The following KIF13B variants were observed in gnomAD, a reference collection of about 807,000 sequenced individuals.
KIF13B encodes kinesin-like protein KIF13B.
Under a neutral mutation model 222.0 loss-of-function variants are expected in KIF13B, and 127 were observed. The observed-to-expected ratio is 0.57, with a 90% CI of 0.50 to 0.66. KIF13B has a LOEUF of 0.66. Among genes scored for constraint, KIF13B ranks in the 30% least tolerant of loss-of-function variants. The pLI is 0.00. For missense variants in KIF13B, 2,173 were observed against 2,379.0 expected (o/e 0.91, Z 1.80); for synonymous variants, 976 against 919.0 (o/e 1.06, Z -1.12).
chr8:29,261,852 C>T (rs1328887258), intron 1 of KIF13B, among the ~76,000 whole-genome samples: 3 of 152,114 alleles, frequency 2.0e-5, no homozygotes, highest in Admixed American at 1.3e-4. Context: ...GACAAACCAA[C>T]AAAGCTTATG....
Position 29,228,472 on chromosome 8 carries a change from A to AAATATATATATATAT in KIF13B, c.149+16873_149+16874insATATATATATATATT. 2.3e-4 allele frequency among the ~76,000 whole-genome samples: 27 copies of AAATATATATATATAT among 117,084 alleles called. 1 individual carries two copies. The highest frequency in any genetic ancestry group is 5.7e-4 in the South Asian group (2 of 3,490). The allele number at this position is 117,084 out of a possible 152,430, so 76.8% of individuals were successfully genotyped here. On this transcript the variant is annotated intron_variant, in intron 2 of 39. Coordinates refer to ENST00000524189, the MANE Select transcript of KIF13B (RefSeq NM_015254.4). The stretch of plus-strand genomic sequence containing the variant: ...ACAGAGCCAGACTCCATCTTAAAAA[A>AAATATATATATATAT]ATATATATATATATATATGAGATAC...
intron 2 of KIF13B, among the ~76,000 whole-genome samples, chr8:29,230,003 G>A (rs1160987739): frequency 6.6e-6 from 1 of 152,122 alleles, no homozygotes; most frequent in Admixed American, 6.5e-5. Flanking sequence ...TAAGAGAGTT[G>A]ACAAGAATAA....
At chr8:29,164,618 GTAAAAGAA>G (rs1310889693) in intron 12 of KIF13B, among the ~76,000 whole-genome samples, 1 of 152,154 alleles carries the variant, frequency 6.6e-6, no homozygotes, top group Non-Finnish European at 1.5e-5. Context: ...GTGAGTAGAA[GTAAAAGAA>G]TAAAAGACTG....
chr8:29,200,577 A>C (rs1018122047), intron 2 of KIF13B, among the ~76,000 whole-genome samples: 3 of 152,198 alleles, frequency 2.0e-5, no homozygotes, highest in African/African-American at 7.2e-5. Flanking sequence ...AATATTTCTT[A>C]TATCACCACA....
chr8:29,236,470 A>T (rs528349511), intron 2 of KIF13B, among the ~76,000 whole-genome samples: 18 of 152,302 alleles, frequency 1.2e-4, no homozygotes, highest in African/African-American at 3.8e-4. Flanking sequence ...CTCCATAACA[A>T]AAGTTTTTAA....
intron 23 of KIF13B, among the ~76,000 whole-genome samples, chr8:29,131,079 A>C (rs1446172518): frequency 6.6e-6 from 1 of 152,182 alleles, no homozygotes; most frequent in Non-Finnish European, 1.5e-5. Flanking sequence ...ATAGAAAAGC[A>C]AAAACCCCAT....
At chr8:29,244,249 A>G (rs1026978878) in intron 2 of KIF13B, among the ~76,000 whole-genome samples, 22 of 152,172 alleles carry the variant, frequency 1.4e-4, no homozygotes, top group Non-Finnish European at 2.4e-4. Context: ...TCCTGACCTC[A>G]TGATCTGCCC....
Position 29,140,449 on chromosome 8 carries a change from G to A in KIF13B, c.2484+19C>T, listed in dbSNP as rs780243591. 1 of 1,609,000 alleles carries A rather than the reference G, an allele frequency of 6.2e-7. No homozygotes were observed. The highest frequency in any genetic ancestry group is 8.5e-7 in the Non-Finnish European group (1 of 1,176,580). On this transcript the variant is annotated intron_variant, in intron 20 of 39. Transcript: ENST00000524189. ...TAAACTATTCTCTACAGGAAACAAG[G>A]CATGAAGAGAAAACCAACCTCTCCT...
Position 29,118,912 on chromosome 8 carries a change from C to A in KIF13B, c.3616G>T (p.Glu1206Ter), listed in dbSNP as rs1809728358. 6.2e-7 allele frequency: 1 copy of A among 1,613,710 alleles called. No homozygotes were observed. Among genetic ancestry groups the A allele is most frequent in the Non-Finnish European group, 8.5e-7 (1 of 1,179,814 alleles). The change falls in exon 30 of 40, where the codon GAG (glutamate) becomes TAG (stop). Residue 1206 changes from glutamate to a stop codon, truncating the protein, a stop_gained. Transcript: ENST00000524189. LOFTEE classifies it high-confidence loss of function. ...ACAATCTGCAATTCAAAGAACTCCT[C>A]TTCTTCTTCCCCAGTCAAGGTCGCA... ...WDATLTGEEE[E>*]EFFELQIVKQ...
At chr8:29,095,689 C>A (rs1370348225) in intron 36 of KIF13B, among the ~76,000 whole-genome samples, 2 of 152,116 alleles carry the variant, frequency 1.3e-5, no homozygotes, top group African/African-American at 4.8e-5. Flanking sequence ...ATCACTTAAA[C>A]CCGGGAGGCA....
Position 29,070,870 on chromosome 8 carries a change from C to G in KIF13B, c.5219-104G>C. The G allele has an allele frequency of 1.6e-6, 2 of 1,217,826 alleles. No homozygotes were observed. Among genetic ancestry groups the G allele is most frequent in the Non-Finnish European group, 1.2e-6 (1 of 861,498 alleles). The allele number at this position is 1,217,826 out of a possible 1,614,324, so 75.4% of individuals were successfully genotyped here. A position where few individuals can be genotyped will look rare whatever the true frequency, so the allele number is the denominator to read the frequency against. On this transcript the variant is annotated intron_variant, in intron 39 of 39. Transcript: ENST00000524189. This position sits in a 1 kb window ranked among gnomAD's most constrained non-coding sequence, Gnocchi z 4.1. ...GCCATGTGCCCACACTGCCACCCCC[C>G]CGCACAGGCCCTACACAGCCAGCAC... is the stretch of plus-strand genomic sequence containing the variant.
chr8:29,112,316 C>T (rs1204716111), intron 32 of KIF13B, among the ~76,000 whole-genome samples: 1 of 151,672 alleles, frequency 6.6e-6, no homozygotes, highest in Non-Finnish European at 1.5e-5. Flanking sequence ...GCCTGTAATC[C>T]CAGCTACTAG....
chr8:29,130,449 T>G (rs1001104429), intron 24 of KIF13B, 84 bp downstream of exon 24: 22 of 1,373,948 alleles, frequency 1.6e-5, no homozygotes, highest in Non-Finnish European at 2.1e-5. Flanking sequence ...GATTTCATTA[T>G]TGCCAACATT....
chr8:29,155,522 C>T (rs1811481224), intron 14 of KIF13B, among the ~76,000 whole-genome samples: 1 of 151,966 alleles, frequency 6.6e-6, no homozygotes, highest in Non-Finnish European at 1.5e-5. Flanking sequence ...TTGATGAGGG[C>T]CTAAATACGT....
intron 3 of KIF13B, among the ~76,000 whole-genome samples, chr8:29,193,267 A>C (rs1419684982): frequency 6.6e-6 from 1 of 152,124 alleles, no homozygotes; most frequent in African/African-American, 2.4e-5. Flanking sequence ...TGTTTTTCCA[A>C]AGCTAAAACG....
intron 24 of KIF13B, among the ~76,000 whole-genome samples, chr8:29,128,817 A>T (rs1020383083): frequency 3.9e-5 from 6 of 152,174 alleles, no homozygotes; most frequent in African/African-American, 1.4e-4. Context: ...CAAAAACAGC[A>T]CTTTTCACAT....
At chr8:29,256,558 G>A (rs1816485797) in intron 1 of KIF13B, among the ~76,000 whole-genome samples, 1 of 152,180 alleles carries the variant, frequency 6.6e-6, no homozygotes, top group African/African-American at 2.4e-5. Flanking sequence ...TCCTTTGATG[G>A]AAGATCAAGA....
Position 29,118,940 on chromosome 8 carries a change from C to T in KIF13B, c.3588G>A (p.Trp1196Ter). The change falls in exon 30 of 40, where the codon TGG becomes TGA. Residue 1196 changes from tryptophan (W) to a stop codon, truncating the protein, a stop_gained. Transcript: ENST00000524189. LOFTEE classifies it high-confidence loss of function. ...DNLDDPEAGG[W>*]DATLTGEEEE... Reference sequence around the variant, plus strand: ...CTTCTTCCCCAGTCAAGGTCGCATCCCATCCACCAGCTTCTGGGTCATCAA... The same window carrying T: ...CTTCTTCCCCAGTCAAGGTCGCATCTCATCCACCAGCTTCTGGGTCATCAA... The T allele has an allele frequency of 6.2e-7, 1 of 1,613,824 alleles. No homozygotes were observed. The highest frequency in any genetic ancestry group is 8.5e-7 in the Non-Finnish European group (1 of 1,179,800).
At chr8:29,242,375 T>C (rs1000277501) in intron 2 of KIF13B, among the ~76,000 whole-genome samples, 11 of 152,064 alleles carry the variant, frequency 7.2e-5, no homozygotes, top group African/African-American at 2.7e-4. Context: ...CAACGAAAAT[T>C]TACTACAGGA....
Sources: allele counts gnomAD v4.1 joint callset (sites outside exome capture counted in the v4.1 genomes callset), GRCh38; gene constraint gnomAD v4.1.1; non-coding constraint Gnocchi (gnomAD v3.1); transcripts MANE v1.5; gene names NCBI Gene and HGNC (gene_info 2026-07-23, HGNC 2026-07-21).